Variants in PNMA2 observed in about 807,000 individuals in gnomAD.
PNMA2 encodes paraneoplastic antigen Ma2.
For missense variants in PNMA2, 455 were observed against 452.9 expected (o/e 1.00, Z -0.04); for synonymous variants, 175 against 183.5 (o/e 0.95, Z 0.38).
intron 1 of PNMA2, among the ~76,000 whole-genome samples, chr8:26,513,528 GC>G (rs1201875391): frequency 6.6e-6 from 1 of 152,168 alleles, no homozygotes; most frequent in Non-Finnish European, 1.5e-5. Context: ...CGTCTTGGCT[GC>G]CCCCCTCCTG....
At chr8:26,510,977 C>G (rs1808142576) in intron 1 of PNMA2, among the ~76,000 whole-genome samples, 1 of 152,044 alleles carries the variant, frequency 6.6e-6, no homozygotes, top group East Asian at 1.9e-4. Flanking sequence ...CATGGCCAAA[C>G]CCCGTCTCTA....
Position 26,507,367 on chromosome 8 carries a change from T to C in PNMA2, c.*294A>G. 1 of 255,080 alleles carries C rather than the reference T, an allele frequency of 3.9e-6. No homozygotes were observed. The highest frequency in any genetic ancestry group is 7.4e-6 in the Non-Finnish European group (1 of 135,716). The allele number at this position is 255,080 out of a possible 1,614,324, so 15.8% of individuals were successfully genotyped here. On this transcript the variant is annotated 3_prime_UTR_variant, in exon 3 of 3. Coordinates refer to ENST00000522362, the MANE Select transcript of PNMA2 (RefSeq NM_007257.6). ...ATCACCTGAGCCTGAGCCTGGGAAG[T>C]CAAGGCTGCAGTGAGCCGAGATTTT...
At chr8:26,513,388 G>GCCCCCCCCCCCCCCCCCCCCCCCCCC (rs148272306) in intron 1 of PNMA2, among the ~76,000 whole-genome samples, 3 of 141,042 alleles carry the variant, frequency 2.1e-5, no homozygotes, top group African/African-American at 2.7e-5. Flanking sequence ...CATGTTGTGT[G>GCCCCCCCCCCCCCCCCCCCCCCCCCC]CCCCCCCCCC....
In PNMA2 at chr8:26,508,481, A is replaced by C; in HGVS notation, c.275T>G (p.Ile92Ser). The change falls in exon 3 of 3, where the codon ATC becomes AGC. Residue 92 changes from isoleucine to serine, a missense_variant. Physicochemically the swap from Ile to Ser is moderately radical, Grantham distance 142. Coordinates refer to ENST00000522362, the MANE Select transcript of PNMA2 (RefSeq NM_007257.6). The surrounding 1 kb of genome is among the most constrained non-coding windows in gnomAD (Gnocchi z 5.5). ...AGTGTCCTGATTAGGGGTCTTAAAG[A>C]TCACCTTCCAGACACCCCCCTTTCC... Reference protein sequence around the residue: ...VQGKGGVWKVIFKTPNQDTEF... With the variant: ...VQGKGGVWKVSFKTPNQDTEF... The C allele has an allele frequency of 6.2e-7, 1 of 1,614,192 alleles. No individual in the cohort carries two copies. Among genetic ancestry groups the C allele is most frequent in the Non-Finnish European group, 8.5e-7 (1 of 1,180,034 alleles).
Position 26,508,221 on chromosome 8 carries a change from C to T in PNMA2, c.535G>A (p.Glu179Lys), listed in dbSNP as rs760162914. The part of the protein sequence containing the change: ...SGSAVPAPEE[E>K]SFEVWLEQAT... ...TGTTCCAACCAGACCTCAAAGGACTCTTCCTCTGGGGCTGGGACAGCACTC... is the reference window on the plus strand; with the variant it reads ...TGTTCCAACCAGACCTCAAAGGACTTTTCCTCTGGGGCTGGGACAGCACTC... Residue 179 changes from glutamate (E) to lysine (K), a missense_variant, in exon 3 of 3, where the codon GAG (glutamate) becomes AAG (lysine). Physicochemically the swap from Glu to Lys is moderately conservative, Grantham distance 56 (BLOSUM62 1). Coordinates refer to ENST00000522362, the MANE Select transcript of PNMA2 (RefSeq NM_007257.6). This position sits in a 1 kb window ranked among gnomAD's most constrained non-coding sequence, Gnocchi z 5.5. The T allele has an allele frequency of 8.1e-6, 13 of 1,608,380 alleles. No individual in the cohort carries two copies. In the South Asian group the frequency reaches 1.4e-4, roughly 18 times the overall value.
At position 26,508,685 on chromosome 8, in the gene PNMA2, G is replaced by A. The variant is rs1563368432; in HGVS notation, c.71C>T (p.Thr24Met). 9.3e-6 allele frequency: 15 copies of A among 1,614,108 alleles called. No individual in the cohort carries two copies. The highest frequency in any genetic ancestry group is 1.2e-5 in the Non-Finnish European group (14 of 1,180,032). ...SVDEQKSLMV[T>M]GIPADFEEAE... The stretch of plus-strand genomic sequence containing the variant: ...CTCCTCAAAGTCCGCCGGTATCCCC[G>A]TAACCATCAGTGACTTCTGCTCATC... The change falls in exon 3 of 3, where the codon ACG (threonine) becomes ATG (methionine). Residue 24 changes from threonine to methionine, a missense_variant. Physicochemically the swap from Thr to Met is moderately conservative, Grantham distance 81. Coordinates refer to ENST00000522362, the MANE Select transcript of PNMA2 (RefSeq NM_007257.6). This position sits in a 1 kb window ranked among gnomAD's most constrained non-coding sequence, Gnocchi z 5.5.
chr8:26,508,201 C>A lies in PNMA2; in HGVS notation c.555G>T (p.Leu185Phe), dbSNP rs1808081981. Residue 185 changes from leucine (L) to phenylalanine (F), a missense_variant, in exon 3 of 3, where the codon TTG becomes TTT. Transcript: ENST00000522362. This position sits in a 1 kb window ranked among gnomAD's most constrained non-coding sequence, Gnocchi z 5.5. The part of the protein sequence containing the change: ...APEEESFEVW[L>F]EQATEIVKEW... ...CTTTGACTATCTCCGTGGCCTGTTC[C>A]AACCAGACCTCAAAGGACTCTTCCT... 1 of 1,612,110 alleles carries A rather than the reference C, an allele frequency of 6.2e-7. No individual in the cohort carries two copies. Among genetic ancestry groups the A allele is most frequent in the Non-Finnish European group, 8.5e-7 (1 of 1,179,130 alleles).
chr8:26,511,967 C>T (rs907565490), intron 1 of PNMA2, among the ~76,000 whole-genome samples: 1 of 152,136 alleles, frequency 6.6e-6, no homozygotes, highest in African/African-American at 2.4e-5. Context: ...GTGTTACCTT[C>T]AAATAAAAAC....
Position 26,508,532 on chromosome 8 carries a change from A to G in PNMA2, c.224T>C (p.Val75Ala). 6.2e-7 allele frequency: 1 copy of G among 1,614,182 alleles called. No homozygotes were observed. The highest frequency in any genetic ancestry group is 1.6e-4 in the Middle Eastern group (1 of 6,062). The change falls in exon 3 of 3, where the codon GTC (valine) becomes GCC (alanine). Residue 75 changes from valine (V) to alanine (A), a missense_variant. Transcript: ENST00000522362. The surrounding 1 kb of genome is among the most constrained non-coding windows in gnomAD (Gnocchi z 5.5). ...CTGGACCTCACTGGGAATGGCCGAG[A>G]CATCAGTATCTTCCAGAAGCTCTAG... ...VLLELLEDTDVSAIPSEVQGK... is the reference protein window; with the variant it reads ...VLLELLEDTDASAIPSEVQGK...
In PNMA2 at chr8:26,507,047, C is replaced by A. The variant is rs1276386605; in HGVS notation, c.*614G>T. ...TACAAGTGTTTCAGATTCCTTCAGG[C>A]TTACTATTTAATATTTGGAGTTTAA... On this transcript the variant is annotated 3_prime_UTR_variant, in exon 3 of 3. Transcript: ENST00000522362. The A allele has an allele frequency of 1.3e-5, 2 of 152,102 alleles. No individual in the cohort carries two copies. Among genetic ancestry groups the A allele is most frequent in the African/African-American group, 4.8e-5 (2 of 41,392 alleles). 9.4% of individuals were successfully genotyped at this position (152,102 alleles called of 1,614,324 possible).
chr8:26,508,188 C>G lies in PNMA2; in HGVS notation c.568G>C (p.Glu190Gln), dbSNP rs550365661. 9 of 1,613,846 alleles carry G rather than the reference C, an allele frequency of 5.6e-6. No homozygotes were observed. In the South Asian group the frequency reaches 9.9e-5, roughly 18 times the overall value. The change falls in exon 3 of 3, where the codon GAG becomes CAG. Residue 190 changes from glutamate (E) to glutamine (Q), a missense_variant. By Grantham distance (29) the Glu-to-Gln change is conservative. Coordinates refer to ENST00000522362, the MANE Select transcript of PNMA2 (RefSeq NM_007257.6). The surrounding 1 kb of genome is among the most constrained non-coding windows in gnomAD (Gnocchi z 5.5). The stretch of plus-strand genomic sequence containing the variant: ...GTTACTGGCCACTCTTTGACTATCT[C>G]CGTGGCCTGTTCCAACCAGACCTCA... Reference protein sequence around the residue: ...SFEVWLEQATEIVKEWPVTEA... With the variant: ...SFEVWLEQATQIVKEWPVTEA...
chr8:26,509,308 A>C lies in PNMA2; in HGVS notation c.-488-65T>G, dbSNP rs1808108160. The stretch of plus-strand genomic sequence containing the variant: ...TTTCCTTGGAAGCATCCATACTCTA[A>C]TCTGGAATGGAACTGGGGGCAGATG... On this transcript the variant is annotated intron_variant, in intron 2 of 2. Coordinates refer to ENST00000522362, the MANE Select transcript of PNMA2 (RefSeq NM_007257.6). This position sits in a 1 kb window ranked among gnomAD's most constrained non-coding sequence, Gnocchi z 5.7. 1.3e-5 allele frequency: 2 copies of C among 156,282 alleles called. No homozygotes were observed. Among genetic ancestry groups the C allele is most frequent in the Admixed American group, 6.5e-5 (1 of 15,276 alleles). 9.7% of individuals were successfully genotyped at this position (156,282 alleles called of 1,614,324 possible).
In PNMA2 at chr8:26,508,561, G is replaced by A. The variant is rs145921803; in HGVS notation, c.195C>T (p.Val65=). ...IFRKQENANA[V]LLELLEDTDV... is the part of the protein sequence containing the mutation. Reference sequence around the variant, plus strand: ...CAGTATCTTCCAGAAGCTCTAGTAAGACAGCATTGGCATTCTCCTGCTTCC... The same window carrying A: ...CAGTATCTTCCAGAAGCTCTAGTAAAACAGCATTGGCATTCTCCTGCTTCC... Residue 65 remains valine (V), a synonymous_variant, in exon 3 of 3, where the codon GTC becomes GTT. Coordinates refer to ENST00000522362, the MANE Select transcript of PNMA2 (RefSeq NM_007257.6). This position sits in a 1 kb window ranked among gnomAD's most constrained non-coding sequence, Gnocchi z 5.5. The A allele has an allele frequency of 6.2e-7, 1 of 1,614,172 alleles. No homozygotes were observed.
intron 1 of PNMA2, among the ~76,000 whole-genome samples, chr8:26,511,151 CAAAAAAA>C: frequency 8.6e-6 from 1 of 115,844 alleles, no homozygotes. Flanking sequence ...GACTCTGTCT[CAAAAAAA>C]AAAAAAAAAA....
chr8:26,507,504 G>A lies in PNMA2; in HGVS notation c.*157C>T, dbSNP rs1808062537. 1.7e-6 allele frequency: 1 copy of A among 592,848 alleles called. No individual in the cohort carries two copies. 36.7% of individuals were successfully genotyped at this position (592,848 alleles called of 1,614,324 possible). A position where few individuals can be genotyped will look rare whatever the true frequency, so the allele number is the denominator to read the frequency against. ...GAAAGAGAGGAGAGGAGAGGAGAGAGGAGGAGAGAAGGAGAGAAGGAGGAA... is the reference window on the plus strand; with the variant it reads ...GAAAGAGAGGAGAGGAGAGGAGAGAAGAGGAGAGAAGGAGAGAAGGAGGAA... On this transcript the variant is annotated 3_prime_UTR_variant, in exon 3 of 3. Transcript: ENST00000522362.
rs375816361 is a variant in PNMA2 at position 26,508,048 on chromosome 8, G to C, written c.708C>G (p.Ala236=). 6.2e-7 allele frequency: 1 copy of C among 1,614,242 alleles called. No individual in the cohort carries two copies. The change falls in exon 3 of 3, where the codon GCC becomes GCG. Residue 236 remains alanine, a synonymous_variant. Transcript: ENST00000522362. This position sits in a 1 kb window ranked among gnomAD's most constrained non-coding sequence, Gnocchi z 5.5. ...PSISVEECLE[A]FKQVFGSLES... is the part of the protein sequence containing the mutation. ...CTAGGCTCCCAAACACTTGCTTAAA[G>C]GCCTCCAAACACTCTTCTACACTGA...
At position 26,507,971 on chromosome 8, in the gene PNMA2, C is replaced by G. The variant is rs759634874; in HGVS notation, c.785G>C (p.Gly262Ala). ...TAACACATAGGCTGAGACCTTCTCT[C>G]CTTCCTCCTGATAGGTCTTCAGATA... ...VRYLKTYQEE[G>A]EKVSAYVLRL... Residue 262 changes from glycine (G) to alanine (A), a missense_variant, in exon 3 of 3, where the codon GGA (glycine) becomes GCA (alanine). Transcript: ENST00000522362. 1.2e-6 allele frequency: 2 copies of G among 1,614,216 alleles called. No homozygotes were observed. Among genetic ancestry groups the G allele is most frequent in the Non-Finnish European group, 1.7e-6 (2 of 1,180,044 alleles).
chr8:26,508,160 T>G lies in PNMA2; in HGVS notation c.596A>C (p.Glu199Ala). ...CGCCAGCCACCTTTTCTTTTCTGCC[T>G]CTGTTACTGGCCACTCTTTGACTAT... Reference protein sequence around the residue: ...TEIVKEWPVTEAEKKRWLAES... With the variant: ...TEIVKEWPVTAAEKKRWLAES... The change falls in exon 3 of 3, where the codon GAG (glutamate) becomes GCG (alanine). Residue 199 changes from glutamate (E) to alanine (A), a missense_variant. Glu to Ala is a moderately radical substitution (Grantham distance 107). Coordinates refer to ENST00000522362, the MANE Select transcript of PNMA2 (RefSeq NM_007257.6). The surrounding 1 kb of genome is among the most constrained non-coding windows in gnomAD (Gnocchi z 5.5). 1 of 1,614,194 alleles carries G rather than the reference T, an allele frequency of 6.2e-7. No homozygotes were observed. Among genetic ancestry groups the G allele is most frequent in the Non-Finnish European group, 8.5e-7 (1 of 1,180,012 alleles).
Position 26,508,021 on chromosome 8 carries a change from C to T in PNMA2, c.735G>A (p.Glu245=). 2.5e-6 allele frequency: 4 copies of T among 1,614,276 alleles called. No homozygotes were observed. The highest frequency in any genetic ancestry group is 3.4e-6 in the Non-Finnish European group (4 of 1,180,048). ...ACCTCACCTGGGCTGTCCTGCGGCT[C>T]TCTAGGCTCCCAAACACTTGCTTAA... is the stretch of plus-strand genomic sequence containing the variant. ...EAFKQVFGSL[E]SRRTAQVRYL... The change falls in exon 3 of 3, where the codon GAG becomes GAA. Residue 245 remains glutamate, a synonymous_variant. Transcript: ENST00000522362. The surrounding 1 kb of genome is among the most constrained non-coding windows in gnomAD (Gnocchi z 5.5).
Sources: allele counts gnomAD v4.1 joint callset (sites outside exome capture counted in the v4.1 genomes callset), GRCh38; gene constraint gnomAD v4.1.1; non-coding constraint Gnocchi (gnomAD v3.1); transcripts MANE v1.5; gene names NCBI Gene and HGNC (gene_info 2026-07-23, HGNC 2026-07-21).